ACAD10: variants seen among roughly 807,000 people sequenced by gnomAD.
ACAD10 encodes the protein acyl-CoA dehydrogenase family member 10, also known as ACAD-10.
A neutral mutation model predicts 116.8 loss-of-function variants in ACAD10; 112 were observed. That is an observed-to-expected ratio of 0.96 (90% CI 0.82 to 1.12). ACAD10 has a LOEUF of 1.12. Among genes scored for constraint, ACAD10 ranks in the 50% most tolerant of loss-of-function variants. The pLI is 0.00. For synonymous variants in ACAD10, 486 were observed against 510.6 expected (o/e 0.95, Z 0.65); for missense variants, 1,259 against 1,350.2 (o/e 0.93, Z 1.06).
At chr12:111,731,807 G>A (rs951748300) in intron 10 of ACAD10, among the ~76,000 whole-genome samples, 1 of 152,206 alleles carries the variant, frequency 6.6e-6, no homozygotes, top group African/African-American at 2.4e-5. Context: ...CAGTGGCCAG[G>A]CACGGTGACT....
intron 11 of ACAD10, among the ~76,000 whole-genome samples, chr12:111,735,624 T>G (rs1889527307): frequency 6.6e-6 from 1 of 151,894 alleles, no homozygotes; most frequent in Non-Finnish European, 1.5e-5. Flanking sequence ...CCCGGCTAAA[T>G]TTTTGTTTTT....
chr12:111,704,692 T>C (rs1246650386), intron 3 of ACAD10, among the ~76,000 whole-genome samples: 18 of 143,906 alleles, frequency 1.3e-4, no homozygotes, highest in East Asian at 2.0e-4. Context: ...TTCTTTCTTT[T>C]TTTTTTTTTT....
At position 111,709,549 on chromosome 12, in the gene ACAD10, G is replaced by A. The variant is rs754959582; in HGVS notation, c.555G>A (p.Gly185=). 2 of 1,607,234 alleles carry A rather than the reference G, an allele frequency of 1.2e-6. No homozygotes were observed. The highest frequency in any genetic ancestry group is 1.7e-6 in the Non-Finnish European group (2 of 1,177,818). ...AGATTGTGGAGTCCTGCATGGAAGG[G>A]ATCTGTAAGCCAGACCCTAGGATCT... ...FDVIVESCME[G]ICKPDPRIYK... Residue 185 remains glycine, a synonymous_variant, in exon 5 of 21, where the codon GGG becomes GGA. Transcript: ENST00000313698.
At chr12:111,693,084 A>G in intron 2 of ACAD10, 188 bp downstream of exon 2, 1 of 614,022 alleles carries the variant, frequency 1.6e-6, no homozygotes, top group Non-Finnish European at 2.8e-6. Flanking sequence ...AGCTTCTCCA[A>G]ATCTTACTTT....
At chr12:111,703,083 CAAAAAAA>C (rs1205550152) in intron 3 of ACAD10, among the ~76,000 whole-genome samples, 1 of 78,280 alleles carries the variant, frequency 1.3e-5, no homozygotes, top group Non-Finnish European at 2.7e-5. Flanking sequence ...GACTCTGTCT[CAAAAAAA>C]AAAAAAAAAA....
At chr12:111,739,347 C>T (rs1447282343) in intron 12 of ACAD10, among the ~76,000 whole-genome samples, 2 of 152,184 alleles carry the variant, frequency 1.3e-5, no homozygotes, top group African/African-American at 2.4e-5. Context: ...GCACAGCACT[C>T]ACAAAATCCA....
At chr12:111,709,765 A>T (rs1888617773) in intron 5 of ACAD10, 81 bp downstream of exon 5, 1 of 1,394,630 alleles carries the variant, frequency 7.2e-7, no homozygotes, top group Non-Finnish European at 9.6e-7. Flanking sequence ...TTACATTTGT[A>T]GCTCTAGCTT....
intron 16 of ACAD10, chr12:111,747,826 G>A (rs550064788): frequency 2.5e-5 from 23 of 921,638 alleles, no homozygotes; most frequent in East Asian, 9.5e-5. Context: ...CTTACCTCCC[G>A]GAGCCCATAC....
intron 7 of ACAD10, among the ~76,000 whole-genome samples, chr12:111,720,690 C>T (rs1888990579): frequency 6.6e-6 from 1 of 152,122 alleles, no homozygotes; most frequent in African/African-American, 2.4e-5. Flanking sequence ...ATATTCAGCG[C>T]ATATCTCTTG....
intron 16 of ACAD10, 195 bp downstream of exon 16, chr12:111,747,580 C>T: frequency 3.5e-6 from 5 of 1,412,952 alleles, no homozygotes; most frequent in Non-Finnish European, 4.6e-6. Flanking sequence ...AGAGGTGGCA[C>T]TTCACAGGGC....
chr12:111,748,247 G>T, intron 16 of ACAD10, 70 bp from the exon 17 acceptor site: 1 of 1,588,146 alleles, frequency 6.3e-7, no homozygotes, highest in South Asian at 1.1e-5. Flanking sequence ...CTTGGGCCAG[G>T]ACCACGTGTG....
At chr12:111,739,494 C>A (rs567851877) in intron 12 of ACAD10, among the ~76,000 whole-genome samples, 7 of 152,182 alleles carry the variant, frequency 4.6e-5, no homozygotes, top group Non-Finnish European at 8.8e-5. Flanking sequence ...TGGTGGCTCA[C>A]GCCTGTAATC....
intron 5 of ACAD10, chr12:111,710,227 A>G (rs751727677): frequency 1.3e-4 from 57 of 448,914 alleles, no homozygotes; most frequent in Non-Finnish European, 2.1e-4. Flanking sequence ...GTAGCTGACC[A>G]GAGGCATACA....
chr12:111,699,177 G>A lies in ACAD10; in HGVS notation c.188-2985G>A, dbSNP rs190678794. 5.3e-5 allele frequency among the ~76,000 whole-genome samples: 8 copies of A among 152,174 alleles called. No homozygotes were observed. In the East Asian group the frequency reaches 5.8e-4, roughly 11 times the overall value. On this transcript the variant is annotated intron_variant, in intron 2 of 20. Transcript: ENST00000313698. Reference sequence around the variant, plus strand: ...TGGGATTTTAGCCATGAGTCACCACGCCCAGCCTTCTATATTATTTTCTAA... The same window carrying A: ...TGGGATTTTAGCCATGAGTCACCACACCCAGCCTTCTATATTATTTTCTAA...
At chr12:111,753,712 G>A (rs765333550) in intron 18 of ACAD10, 60 bp from the exon 19 acceptor site, 21 of 1,612,042 alleles carry the variant, frequency 1.3e-5, no homozygotes, top group Admixed American at 8.3e-5. Context: ...ACCAGCCCCC[G>A]CCTCTCGTGG....
intron 6 of ACAD10, 57 bp downstream of exon 6, chr12:111,712,714 GT>G: frequency 6.4e-7 from 1 of 1,569,740 alleles, no homozygotes; most frequent in African/African-American, 1.4e-5. Flanking sequence ...GTTTTGGTCT[GT>G]TTCTCACTTT....
chr12:111,733,701 A>T, intron 10 of ACAD10: 2 of 576,458 alleles, frequency 3.5e-6, no homozygotes, highest in South Asian at 4.4e-5. Flanking sequence ...GGAAATAAAT[A>T]ACCAGGCCCT....
chr12:111,750,966 C>T (rs1276761836), intron 18 of ACAD10, among the ~76,000 whole-genome samples: 4 of 152,222 alleles, frequency 2.6e-5, no homozygotes, highest in African/African-American at 9.6e-5. Flanking sequence ...TAAAACGCTC[C>T]TGTCTATGGA....
At chr12:111,724,489 C>T (rs578198419) in intron 8 of ACAD10, among the ~76,000 whole-genome samples, 17 of 152,280 alleles carry the variant, frequency 1.1e-4, no homozygotes, top group East Asian at 5.8e-4. Context: ...GCCAAGATCA[C>T]GCCACTGCAC....
Sources: gnomAD v4.1 joint callset for allele counts (sites outside exome capture counted in the v4.1 genomes callset) on GRCh38, gnomAD v4.1.1 for gene constraint, MANE v1.5 for transcripts, NCBI Gene and HGNC (gene_info 2026-07-23, HGNC 2026-07-21) for gene names.